NEDD4L: variants seen among roughly 807,000 people sequenced by gnomAD.
The protein encoded by NEDD4L is E3 ubiquitin-protein ligase NEDD4-like.
NEDD4L carries 54 observed loss-of-function variants against 148.9 expected under a neutral mutation model. That is an observed-to-expected ratio of 0.36 (90% CI 0.29 to 0.45). The LOEUF (loss-of-function observed/expected upper bound fraction) is 0.45, where lower values mean the gene tolerates loss of function less well. Among genes scored for constraint, NEDD4L ranks in the 20% least tolerant of loss-of-function variants. The pLI is 1.00. For missense variants in NEDD4L, 856 were observed against 1,233.8 expected, an observed-to-expected ratio of 0.69 and a Z score of 4.59; for synonymous variants, 433 against 440.7, an observed-to-expected ratio of 0.98 and a Z score of 0.22.
intron 18 of NEDD4L, among the ~76,000 whole-genome samples, chr18:58,354,443 T>TAA (rs767179585): frequency 1.4e-5 from 2 of 139,268 alleles, no homozygotes; most frequent in African/African-American, 2.6e-5. Context: ...CAAAGTTCTT[T>TAA]AAAAAAAAAA....
chr18:58,355,967 C>T (rs2044573857), intron 18 of NEDD4L, among the ~76,000 whole-genome samples: 1 of 152,138 alleles, frequency 6.6e-6, no homozygotes. Flanking sequence ...CCCTGCACTC[C>T]CCCGCCCCGG....
chr18:58,213,131 G>A lies in NEDD4L; in HGVS notation c.123-32296G>A, dbSNP rs140408649. Among the ~76,000 whole-genome samples the A allele has an allele frequency of 1.6e-3, 220 of 139,212 alleles. 1 individual carries two copies. Among genetic ancestry groups the A allele is most frequent in the African/African-American group, 6.2e-3 (212 of 33,968 alleles). 91.3% of individuals were successfully genotyped at this position (139,212 alleles called of 152,430 possible). On this transcript the variant is annotated intron_variant, in intron 2 of 30. Transcript: ENST00000400345. Reference sequence around the variant, plus strand: ...GGTATTATTTCTCATAATACTGATGGAAATGTGAATTATGGGCAGTTGGGA... The same window carrying A: ...GGTATTATTTCTCATAATACTGATGAAAATGTGAATTATGGGCAGTTGGGA...
chr18:58,365,337 A>G (rs2045975085), intron 20 of NEDD4L, among the ~76,000 whole-genome samples: 1 of 151,454 alleles, frequency 6.6e-6, no homozygotes, highest in Non-Finnish European at 1.5e-5. Context: ...TGGCTCTCAC[A>G]TAGCAGTGTC....
intron 2 of NEDD4L, among the ~76,000 whole-genome samples, chr18:58,226,182 C>G (rs927067238): frequency 6.6e-6 from 1 of 152,172 alleles, no homozygotes; most frequent in Non-Finnish European, 1.5e-5. Flanking sequence ...CTCTTCTCAT[C>G]TAATCAATAT....
intron 1 of NEDD4L, among the ~76,000 whole-genome samples, chr18:58,154,735 C>T (rs987967349): frequency 6.6e-6 from 1 of 152,202 alleles, no homozygotes; most frequent in African/African-American, 2.4e-5. Context: ...TTGTAGTGAT[C>T]CAAGATCATG....
At chr18:58,295,038 G>T (rs1378190101) in intron 5 of NEDD4L, among the ~76,000 whole-genome samples, 3 of 152,170 alleles carry the variant, frequency 2.0e-5, no homozygotes, top group African/African-American at 7.2e-5. Flanking sequence ...CCCCACACAG[G>T]CACAGCCTCC....
intron 2 of NEDD4L, among the ~76,000 whole-genome samples, chr18:58,167,230 TC>T (rs1047813466): frequency 1.1e-4 from 16 of 152,164 alleles, no homozygotes; most frequent in African/African-American, 2.9e-4. Context: ...CTGAAGGCAC[TC>T]TCTTGCTTGA....
intron 5 of NEDD4L, among the ~76,000 whole-genome samples, chr18:58,315,208 A>G (rs1051576425): frequency 5.9e-5 from 9 of 152,200 alleles, no homozygotes; most frequent in Non-Finnish European, 1.3e-4. Flanking sequence ...AGGCCATGCC[A>G]CAAGCACCGT....
chr18:58,372,500 GTCTCACTA>G (rs1346659225), intron 23 of NEDD4L: 1 of 151,900 alleles, frequency 6.6e-6, no homozygotes, highest in African/African-American at 2.4e-5. Flanking sequence ...TAGAGACAGG[GTCTCACTA>G]TGTTGCCCAG....
intron 2 of NEDD4L, chr18:58,189,944 T>C (rs1289886755): frequency 6.6e-6 from 1 of 152,236 alleles, no homozygotes; most frequent in East Asian, 1.9e-4. Context: ...AAATGGAATC[T>C]CTTATGTGGA....
At position 58,330,768 on chromosome 18, in the gene NEDD4L, A is replaced by G. The variant is rs2059725774; in HGVS notation, c.844A>G (p.Ile282Val). ...GGAGACCATTTCAGAGGAAGTGAAT[A>G]TCGCTGGAGACTCTCTCGGTCTGGC... ...PWETISEEVN[I>V]AGDSLGLALP... The change falls in exon 11 of 31, where the codon ATC becomes GTC. Residue 282 changes from isoleucine to valine, a missense_variant. This residue lies in a region of NEDD4L where 367 missense variants were observed against 422.7 expected (regional missense o/e 0.87). Coordinates refer to ENST00000400345, the MANE Select transcript of NEDD4L (RefSeq NM_001144967.3). 2 of 1,607,214 alleles carry G rather than the reference A, an allele frequency of 1.2e-6. No individual in the cohort carries two copies. The highest frequency in any genetic ancestry group is 1.7e-6 in the Non-Finnish European group (2 of 1,175,906).
intron 6 of NEDD4L, among the ~76,000 whole-genome samples, chr18:58,318,360 A>C (rs538820979): frequency 1.3e-5 from 2 of 152,242 alleles, no homozygotes; most frequent in Admixed American, 6.5e-5. Flanking sequence ...GTTAAAGACC[A>C]GCCTTGGCAA....
intron 5 of NEDD4L, among the ~76,000 whole-genome samples, chr18:58,267,854 C>G (rs1044214747): frequency 6.6e-6 from 1 of 152,014 alleles, no homozygotes; most frequent in South Asian, 2.1e-4. Context: ...TGATACATAG[C>G]TTTTAAAATA....
At chr18:58,251,057 G>A (rs1206753386) in intron 4 of NEDD4L, among the ~76,000 whole-genome samples, 2 of 152,166 alleles carry the variant, frequency 1.3e-5, no homozygotes, top group Non-Finnish European at 2.9e-5. Flanking sequence ...ACCTAGTGCA[G>A]GTCCTGGTTG....
intron 1 of NEDD4L, among the ~76,000 whole-genome samples, chr18:58,121,022 A>G (rs543346407): frequency 1.5e-4 from 23 of 152,298 alleles, no homozygotes; most frequent in African/African-American, 5.3e-4. Flanking sequence ...TGAAAGTTTC[A>G]ACAGATATTT....
At position 58,381,469 on chromosome 18, in the gene NEDD4L, A is replaced by G. The variant is rs555427061; in HGVS notation, c.2353-1777A>G. Among the ~76,000 whole-genome samples the G allele has an allele frequency of 2.6e-5, 4 of 152,342 alleles. No individual in the cohort carries two copies. In the East Asian group the frequency reaches 7.7e-4, roughly 29 times the overall value. ...TGATCAAAGAGAGAGGGCTGGATGAATGCTGGAAGGAGTGTATTACAGGGA... is the reference window on the plus strand; with the variant it reads ...TGATCAAAGAGAGAGGGCTGGATGAGTGCTGGAAGGAGTGTATTACAGGGA... On this transcript the variant is annotated intron_variant, in intron 24 of 30. Transcript: ENST00000400345.
chr18:58,255,720 G>C lies in NEDD4L; in HGVS notation c.297+3666G>C. ...GAATCAGACATCCTAGACCAGGAGA[G>C]AGAAGACGACTTCTTCATGGCATTC... On this transcript the variant is annotated intron_variant, in intron 5 of 30. Coordinates refer to ENST00000400345, the MANE Select transcript of NEDD4L (RefSeq NM_001144967.3). 5.7e-6 allele frequency: 7 copies of C among 1,232,420 alleles called. No individual in the cohort carries two copies. The South Asian group carries it at 2.5e-4, about 43-fold the overall frequency. 76.3% of individuals were successfully genotyped at this position (1,232,420 alleles called of 1,614,324 possible).
chr18:58,369,264 C>G (rs1340711609), intron 22 of NEDD4L, among the ~76,000 whole-genome samples: 1 of 152,116 alleles, frequency 6.6e-6, no homozygotes, highest in Non-Finnish European at 1.5e-5. Flanking sequence ...AGAGTCAAGG[C>G]CTTGTGGAAG....
chr18:58,375,560 G>C (rs1009127600), intron 24 of NEDD4L, among the ~76,000 whole-genome samples: 1 of 152,068 alleles, frequency 6.6e-6, no homozygotes, highest in Non-Finnish European at 1.5e-5. Flanking sequence ...GTGCCTTCAA[G>C]GGTTTCCCCA....
Sources: allele counts gnomAD v4.1 joint callset (sites outside exome capture counted in the v4.1 genomes callset), GRCh38; gene constraint gnomAD v4.1.1; regional missense constraint gnomAD v4.1.1; transcripts MANE v1.5; gene names NCBI Gene and HGNC (gene_info 2026-07-23, HGNC 2026-07-21).